The following GJA3 variants were observed in gnomAD, a reference collection of about 807,000 sequenced individuals.
GJA3 encodes gap junction alpha-3 protein.
For missense variants in GJA3, 571 were observed against 620.3 expected, an observed-to-expected ratio of 0.92 and a Z score of 0.84; for synonymous variants, 297 against 292.6, an observed-to-expected ratio of 1.02 and a Z score of -0.15.
intron 1 of GJA3, among the ~76,000 whole-genome samples, chr13:20,153,024 G>A (rs1053900991): frequency 2.6e-5 from 4 of 152,064 alleles, no homozygotes; most frequent in South Asian, 2.1e-4. Context: ...TTCAGCCACC[G>A]GCAAGACTGT....
chr13:20,150,461 G>A (rs998942982), intron 1 of GJA3, among the ~76,000 whole-genome samples: 16 of 152,172 alleles, frequency 1.1e-4, no homozygotes, highest in African/African-American at 3.9e-4. Context: ...CCTGCACAGC[G>A]TGGGGGAAGG....
At position 20,154,703 on chromosome 13, in the gene GJA3, C is replaced by T. The variant is rs549514719; in HGVS notation, c.-18+6187G>A. On this transcript the variant is annotated intron_variant, in intron 1 of 1. Transcript: ENST00000241125. Reference sequence around the variant, plus strand: ...TTATCAGACTAAAGACATTTCCTTCCAGTCTTTCTTTGCTAAAAAGTTTGT... The same window carrying T: ...TTATCAGACTAAAGACATTTCCTTCTAGTCTTTCTTTGCTAAAAAGTTTGT... Among the ~76,000 whole-genome samples, 97 of 152,290 alleles carry T rather than the reference C, an allele frequency of 6.4e-4. 1 individual carries two copies. The highest frequency in any genetic ancestry group is 2.1e-3 in the African/African-American group (88 of 41,566).
rs1221727249 is a variant in GJA3 at position 20,142,196 on chromosome 13, C to T, written c.1093G>A (p.Glu365Lys). 1.3e-6 allele frequency: 2 copies of T among 1,519,490 alleles called. No homozygotes were observed. The highest frequency in any genetic ancestry group is 1.2e-5 in the South Asian group (1 of 80,810). The allele number at this position is 1,519,490 out of a possible 1,614,324, so 94.1% of individuals were successfully genotyped here. A position where few individuals can be genotyped will look rare whatever the true frequency, so the allele number is the denominator to read the frequency against. ...VGSSSPPLAH[E>K]AEAGAAPLLL... ...AGGGGCGCCGCGCCCGCCTCAGCCT[C>T]GTGCGCGAGTGGCGGGGAGCTGCTG... The change falls in exon 2 of 2, where the codon GAG (glutamate) becomes AAG (lysine). Residue 365 changes from glutamate to lysine, a missense_variant. Glu to Lys is a moderately conservative substitution (Grantham distance 56). Transcript: ENST00000241125.
At chr13:20,157,369 T>C (rs2141146150) in intron 1 of GJA3, among the ~76,000 whole-genome samples, 1 of 152,340 alleles carries the variant, frequency 6.6e-6, no homozygotes, top group Admixed American at 6.5e-5. Flanking sequence ...GGCAATTTCC[T>C]CATATAAATC....
At chr13:20,151,692 G>C (rs7318803) in intron 1 of GJA3, among the ~76,000 whole-genome samples, 2 of 152,026 alleles carry the variant, frequency 1.3e-5, no homozygotes, top group Non-Finnish European at 2.9e-5. Flanking sequence ...GGACGGCGAG[G>C]ATGGATTACT....
At chr13:20,155,015 T>G (rs1185395542) in intron 1 of GJA3, among the ~76,000 whole-genome samples, 1 of 151,942 alleles carries the variant, frequency 6.6e-6, no homozygotes, top group Non-Finnish European at 1.5e-5. Flanking sequence ...CACAGCCGAT[T>G]AATTTTTATT....
intron 1 of GJA3, among the ~76,000 whole-genome samples, chr13:20,153,423 C>T (rs7332662): frequency 0.25 from 37,709 of 152,048 alleles, 6,451 homozygotes; most frequent in African/African-American, 0.49. Context: ...GAAAATGTGG[C>T]ACATATACAC....
At position 20,142,554 on chromosome 13, in the gene GJA3, G is replaced by C; in HGVS notation, c.735C>G (p.Ala245=). ...TSRLGPDASE[A]PLGTADPPPL... ...GCGGGGGATCGGCTGTCCCCAGCGG[G>C]GCCTCGGAGGCGTCCGGGCCGAGGC... Residue 245 remains alanine (A), a synonymous_variant, in exon 2 of 2, where the codon GCC becomes GCG. Coordinates refer to ENST00000241125, the MANE Select transcript of GJA3 (RefSeq NM_021954.4). The C allele has an allele frequency of 6.3e-7, 1 of 1,576,202 alleles. No individual in the cohort carries two copies. The highest frequency in any genetic ancestry group is 8.6e-7 in the Non-Finnish European group (1 of 1,161,538).
intron 1 of GJA3, among the ~76,000 whole-genome samples, chr13:20,160,569 A>C (rs578193934): frequency 1.3e-5 from 2 of 152,330 alleles, no homozygotes; most frequent in South Asian, 4.1e-4. Context: ...CAGGAAAACA[A>C]CTTAAACTCG....
chr13:20,152,796 T>A (rs1958886555), intron 1 of GJA3, among the ~76,000 whole-genome samples: 1 of 152,210 alleles, frequency 6.6e-6, no homozygotes, highest in African/African-American at 2.4e-5. Flanking sequence ...GGAACACTCA[T>A]GAGTAGGATT....
rs777200073 is a variant in GJA3 at position 20,142,568 on chromosome 13, C to A, written c.721G>T (p.Asp241Tyr). ...KQGVTSRLGPDASEAPLGTAD... is the reference protein window; with the variant it reads ...KQGVTSRLGPYASEAPLGTAD... ...GTCCCCAGCGGGGCCTCGGAGGCGT[C>A]CGGGCCGAGGCGGCTGGTCACGCCC... Residue 241 changes from aspartate to tyrosine, a missense_variant, in exon 2 of 2, where the codon GAC becomes TAC. Transcript: ENST00000241125. 1.3e-6 allele frequency: 2 copies of A among 1,593,770 alleles called. No individual in the cohort carries two copies. Among genetic ancestry groups the A allele is most frequent in the Non-Finnish European group, 1.7e-6 (2 of 1,170,818 alleles).
At position 20,141,883 on chromosome 13, in the gene GJA3, G is replaced by A; in HGVS notation, c.*98C>T. 2 of 1,510,944 alleles carry A rather than the reference G, an allele frequency of 1.3e-6. No individual in the cohort carries two copies. Among genetic ancestry groups the A allele is most frequent in the East Asian group, 2.5e-5 (1 of 39,920 alleles). 93.6% of individuals were successfully genotyped at this position (1,510,944 alleles called of 1,614,324 possible). A position where few individuals can be genotyped will look rare whatever the true frequency, so the allele number is the denominator to read the frequency against. ...GGACTCCAGTCGCTCCCACCTCCTG[G>A]GACTTTCAGGTTCTATCTGCTGGTG... On this transcript the variant is annotated 3_prime_UTR_variant, in exon 2 of 2. Transcript: ENST00000241125.
intron 1 of GJA3, among the ~76,000 whole-genome samples, chr13:20,144,910 G>A (rs983832078): frequency 6.6e-6 from 1 of 152,256 alleles, no homozygotes; most frequent in African/African-American, 2.4e-5. Flanking sequence ...GCTGGGCGCG[G>A]TGGCTCACGC....
chr13:20,139,920 T>G lies in GJA3; in HGVS notation c.*2061A>C, dbSNP rs2141136032. On this transcript the variant is annotated 3_prime_UTR_variant, in exon 2 of 2. Coordinates refer to ENST00000241125, the MANE Select transcript of GJA3 (RefSeq NM_021954.4). ...CCAAGTATTGACATCCACTTGTACT[T>G]GAGCTGTACTTGTGCTCTTGGATGA... 6.6e-6 allele frequency: 1 copy of G among 152,358 alleles called. No individual in the cohort carries two copies. Among genetic ancestry groups the G allele is most frequent in the African/African-American group, 2.4e-5 (1 of 41,584 alleles). 9.4% of individuals were successfully genotyped at this position (152,358 alleles called of 1,614,324 possible).
At chr13:20,154,058 A>G (rs1958894525) in intron 1 of GJA3, among the ~76,000 whole-genome samples, 1 of 152,108 alleles carries the variant, frequency 6.6e-6, no homozygotes, top group African/African-American at 2.4e-5. Context: ...AAGTCCCCCA[A>G]CCTTGTTCTC....
In GJA3 at chr13:20,142,269, G is replaced by C; in HGVS notation, c.1020C>G (p.Leu340=). The C allele has an allele frequency of 6.4e-7, 1 of 1,561,228 alleles. No homozygotes were observed. ...GCGTGGACGCTGCCGGGTAAGCCTT[G>C]AGCGCCGGGGGCTGCCGCTCGGCCG... The part of the protein sequence containing the change: ...NQAAERQPPA[L]KAYPAASTPA... Residue 340 remains leucine, a synonymous_variant, in exon 2 of 2, where the codon CTC becomes CTG. Coordinates refer to ENST00000241125, the MANE Select transcript of GJA3 (RefSeq NM_021954.4).
rs190074770 is a variant in GJA3, at chr13:20,155,740, T to C, written c.-18+5150A>G. On this transcript the variant is annotated intron_variant, in intron 1 of 1. Transcript: ENST00000241125. ...ATTCATAATATATAGAATAAATCTA[T>C]AGGAGTCCTATAGATCTTTTCAATA... Among the ~76,000 whole-genome samples the C allele has an allele frequency of 3.3e-5, 5 of 152,054 alleles. No homozygotes were observed. The East Asian group carries it at 7.7e-4, about 23-fold the overall frequency.
At chr13:20,145,935 G>C (rs574909391) in intron 1 of GJA3, among the ~76,000 whole-genome samples, 12 of 152,148 alleles carry the variant, frequency 7.9e-5, no homozygotes, top group Non-Finnish European at 1.8e-4. Context: ...TCCCGGGCAA[G>C]AGCAGCCTCT....
At chr13:20,149,679 G>T (rs1958865175) in intron 1 of GJA3, among the ~76,000 whole-genome samples, 1 of 152,202 alleles carries the variant, frequency 6.6e-6, no homozygotes, top group Non-Finnish European at 1.5e-5. Context: ...ATTAGGAGTT[G>T]CAGTTTTGGA....
Sources: gnomAD v4.1 joint callset for allele counts (sites outside exome capture counted in the v4.1 genomes callset) on GRCh38, gnomAD v4.1.1 for gene constraint, MANE v1.5 for transcripts, NCBI Gene and HGNC (gene_info 2026-07-23, HGNC 2026-07-21) for gene names.